The following KAT6B variants were observed in gnomAD, a reference collection of about 807,000 sequenced individuals.
KAT6B encodes lysine acetyltransferase 6B, also known as histone acetyltransferase KAT6B.
Under a neutral mutation model 187.5 loss-of-function variants are expected in KAT6B, and 10 were observed. The ratio of observed to expected loss-of-function variants is 0.05; its 90% CI spans 0.03 to 0.09. The LOEUF is 0.09. KAT6B is among the 10% of genes least tolerant of loss of function. KAT6B has a pLI of 1.00. For missense variants in KAT6B, 1,952 were observed against 2,558.9 expected, an observed-to-expected ratio of 0.76 and a Z score of 5.12; for synonymous variants, 861 against 926.8, an observed-to-expected ratio of 0.93 and a Z score of 1.29.
rs1844646664 is a variant in KAT6B, at chr10:74,879,014, C to T, written c.621+35536C>T. Among the ~76,000 whole-genome samples, 3 of 152,164 alleles carry T rather than the reference C, an allele frequency of 2.0e-5. No individual in the cohort carries two copies. In the South Asian group the frequency reaches 6.2e-4, roughly 32 times the overall value. ...CTTTTTATTCAGGAAATGAGGGACTCCCCAAGGCTTCTGCTTATATTTCAT... is the reference window on the plus strand; with the variant it reads ...CTTTTTATTCAGGAAATGAGGGACTTCCCAAGGCTTCTGCTTATATTTCAT... On this transcript the variant is annotated intron_variant, in intron 3 of 17. Transcript: ENST00000287239.
intron 10 of KAT6B, among the ~76,000 whole-genome samples, chr10:74,980,449 A>G (rs1842439394): frequency 6.6e-6 from 1 of 152,218 alleles, no homozygotes; most frequent in African/African-American, 2.4e-5. Flanking sequence ...TGTTTTCTAA[A>G]AGTTAAGTGA....
intron 13 of KAT6B, among the ~76,000 whole-genome samples, chr10:75,002,377 C>CA (rs56402723): frequency 0.15 from 18,783 of 126,194 alleles, 1,612 homozygotes; most frequent in South Asian, 0.41. Flanking sequence ...TGGCACTAAC[C>CA]AAAAAAAAAA....
chr10:74,885,472 A>G (rs1399097250), intron 3 of KAT6B, among the ~76,000 whole-genome samples: 3 of 152,232 alleles, frequency 2.0e-5, no homozygotes, highest in African/African-American at 7.2e-5. Context: ...ATTGGATAAT[A>G]TTGCTATTAG....
At chr10:74,974,485 T>C (rs1456627269) in intron 7 of KAT6B, among the ~76,000 whole-genome samples, 3 of 152,226 alleles carry the variant, frequency 2.0e-5, no homozygotes, top group African/African-American at 4.8e-5. Context: ...TGTTTCTCTA[T>C]TGTATAAAAC....
chr10:75,016,765 G>T (rs1344294382), intron 13 of KAT6B, among the ~76,000 whole-genome samples: 1 of 151,908 alleles, frequency 6.6e-6, no homozygotes, highest in South Asian at 2.1e-4. Context: ...GAGTTAAGGA[G>T]AAGTGTTAGA....
In KAT6B at chr10:74,975,554, G is replaced by C; in HGVS notation, c.1217G>C (p.Arg406Pro). 1 of 1,613,852 alleles carries C rather than the reference G, an allele frequency of 6.2e-7. No homozygotes were observed. Among genetic ancestry groups the C allele is most frequent in the Non-Finnish European group, 8.5e-7 (1 of 1,179,978 alleles). The change falls in exon 8 of 18, where the codon CGG (arginine) becomes CCG (proline). Residue 406 changes from arginine to proline, a missense_variant. Around this residue, in one of 9 missense-constraint regions of KAT6B, gnomAD observed 417 missense variants for 508.9 expected, o/e 0.82. Coordinates refer to ENST00000287239, the MANE Select transcript of KAT6B (RefSeq NM_012330.4). Reference protein sequence around the residue: ...SSRLAVTDPTRPGATTKITTT... With the variant: ...SSRLAVTDPTPPGATTKITTT... Reference sequence around the variant, plus strand: ...AGATTGGCTGTTACAGACCCCACTCGGCCTGGTGCCACCACCAAAATCACC... The same window carrying C: ...AGATTGGCTGTTACAGACCCCACTCCGCCTGGTGCCACCACCAAAATCACC...
intron 3 of KAT6B, among the ~76,000 whole-genome samples, chr10:74,897,759 A>C (rs1352223582): frequency 6.6e-6 from 1 of 152,222 alleles, no homozygotes; most frequent in Non-Finnish European, 1.5e-5. Context: ...TCTTTAAAGA[A>C]GTACATCCTA....
chr10:74,914,758 A>G (rs1306475197), intron 3 of KAT6B, among the ~76,000 whole-genome samples: 3 of 152,120 alleles, frequency 2.0e-5, no homozygotes, highest in East Asian at 1.9e-4. Flanking sequence ...AGACTAGTTT[A>G]TAGTGTTCTT....
At chr10:74,970,495 A>C (rs888510950) in intron 6 of KAT6B, among the ~76,000 whole-genome samples, 1 of 152,088 alleles carries the variant, frequency 6.6e-6, no homozygotes, top group Non-Finnish European at 1.5e-5. Context: ...AGTGACTCCA[A>C]AGTCCTACAA....
chr10:74,977,400 T>G lies in KAT6B; in HGVS notation c.2078T>G (p.Leu693Trp). ...GNKDVVTEED[L>W]DVFKQAQELS... ...AAGGATGTCGTTACTGAAGAGGATT[T>G]GGATGTTTTTAAGCAGGCCCAGGAA... is the stretch of plus-strand genomic sequence containing the variant. The change falls in exon 9 of 18, where the codon TTG becomes TGG. Residue 693 changes from leucine (L) to tryptophan (W), a missense_variant. Around this residue, in one of 9 missense-constraint regions of KAT6B, gnomAD observed 417 missense variants for 508.9 expected, o/e 0.82. Transcript: ENST00000287239. 1 of 1,613,984 alleles carries G rather than the reference T, an allele frequency of 6.2e-7. No individual in the cohort carries two copies. Among genetic ancestry groups the G allele is most frequent in the Non-Finnish European group, 8.5e-7 (1 of 1,179,902 alleles).
At chr10:74,830,745 TATATATATATATATATATATATA>T (rs1314508141) in intron 1 of KAT6B, among the ~76,000 whole-genome samples, 3 of 20,734 alleles carry the variant, frequency 1.4e-4, no homozygotes, top group East Asian at 2.3e-3. Context: ...TATATATATA[TATATATATATATATATATATATA>T]TTTTTTTTTT....
intron 3 of KAT6B, among the ~76,000 whole-genome samples, chr10:74,865,893 A>G (rs780290714): frequency 5.4e-4 from 83 of 152,312 alleles, no homozygotes; most frequent in Middle Eastern, 3.4e-3. Context: ...GTGCATGGAA[A>G]ACAGTACAGT....
At chr10:74,962,875 A>AC in intron 4 of KAT6B, among the ~76,000 whole-genome samples, 1 of 152,100 alleles carries the variant, frequency 6.6e-6, no homozygotes, top group Non-Finnish European at 1.5e-5. Flanking sequence ...TAAAAAAAAA[A>AC]ATCATTCAAG....
chr10:74,925,444 G>A (rs1028820385), intron 3 of KAT6B, among the ~76,000 whole-genome samples: 1 of 124,758 alleles, frequency 8.0e-6, no homozygotes, highest in African/African-American at 3.2e-5. Context: ...ATGATTTCCT[G>A]TGCTGGTCTA....
intron 13 of KAT6B, among the ~76,000 whole-genome samples, chr10:74,989,709 A>G (rs1175350226): frequency 6.6e-6 from 1 of 152,180 alleles, no homozygotes; most frequent in Non-Finnish European, 1.5e-5. Flanking sequence ...CTTCTCAGTT[A>G]AAACCGGCAT....
chr10:74,838,039 C>T (rs1046914157), intron 1 of KAT6B, among the ~76,000 whole-genome samples: 3 of 152,000 alleles, frequency 2.0e-5, no homozygotes, highest in Non-Finnish European at 4.4e-5. Flanking sequence ...GATTGTTTTA[C>T]GTAAGATCAA....
rs1750938768 is a variant in KAT6B at position 74,947,812 on chromosome 10, C to G, written c.622-12158C>G. 2.0e-5 allele frequency among the ~76,000 whole-genome samples: 3 copies of G among 152,312 alleles called. No individual in the cohort carries two copies. In the South Asian group the frequency reaches 6.2e-4, roughly 32 times the overall value. ...TCATGCCTGGTATTTCTTCTCCTGGCTTTGCTGCAGCTTGTATTAGTATGC... is the reference window on the plus strand; with the variant it reads ...TCATGCCTGGTATTTCTTCTCCTGGGTTTGCTGCAGCTTGTATTAGTATGC... On this transcript the variant is annotated intron_variant, in intron 3 of 17. Coordinates refer to ENST00000287239, the MANE Select transcript of KAT6B (RefSeq NM_012330.4).
chr10:75,005,502 G>A (rs1844148259), intron 13 of KAT6B, among the ~76,000 whole-genome samples: 4 of 152,220 alleles, frequency 2.6e-5, no homozygotes, highest in Admixed American at 2.6e-4. Context: ...ACAGGCATGA[G>A]CCACCACGCC....
At chr10:74,911,039 T>C (rs1392831572) in intron 3 of KAT6B, among the ~76,000 whole-genome samples, 2 of 152,200 alleles carry the variant, frequency 1.3e-5, no homozygotes, top group Non-Finnish European at 2.9e-5. Flanking sequence ...ATCTTTCCTC[T>C]AAAATCCTCA....
Sources: allele counts gnomAD v4.1 joint callset (sites outside exome capture counted in the v4.1 genomes callset), GRCh38; gene constraint gnomAD v4.1.1; regional missense constraint gnomAD v4.1.1; transcripts MANE v1.5; gene names NCBI Gene and HGNC (gene_info 2026-07-23, HGNC 2026-07-21).